CNTN4: variants seen among roughly 807,000 people sequenced by gnomAD.
The protein encoded by CNTN4 is contactin 4.
CNTN4 carries 77 observed loss-of-function variants against 122.5 expected under a neutral mutation model. The ratio of observed to expected loss-of-function variants is 0.63; its 90% CI spans 0.52 to 0.76. The LOEUF is 0.76. Ranked by LOEUF, CNTN4 falls within the 30% of genes least tolerant of loss-of-function variation. CNTN4 has a pLI of 0.00. For missense variants in CNTN4, 1,256 were observed against 1,259.1 expected (o/e 1.00, Z 0.04); for synonymous variants, 512 against 447.0 (o/e 1.15, Z -1.83).
At chr3:2,312,821 A>G (rs1037782743) in intron 2 of CNTN4, among the ~76,000 whole-genome samples, 8 of 151,904 alleles carry the variant, frequency 5.3e-5, no homozygotes, top group South Asian at 2.1e-4. Flanking sequence ...TTTTACGTGT[A>G]TGTTTCTGTG....
At chr3:2,829,918 G>C (rs542684131) in intron 7 of CNTN4, among the ~76,000 whole-genome samples, 2 of 152,122 alleles carry the variant, frequency 1.3e-5, no homozygotes, top group Non-Finnish European at 2.9e-5. Context: ...TCTAGTAAGA[G>C]AGATGCTTAA....
chr3:2,844,658 G>T (rs2093424383), intron 7 of CNTN4, among the ~76,000 whole-genome samples: 1 of 152,096 alleles, frequency 6.6e-6, no homozygotes, highest in African/African-American at 2.4e-5. Context: ...CTCTCTTAAT[G>T]GAATCAACTA....
At chr3:2,608,505 C>A (rs2149803014) in intron 4 of CNTN4, among the ~76,000 whole-genome samples, 1 of 152,300 alleles carries the variant, frequency 6.6e-6, no homozygotes, top group Non-Finnish European at 1.5e-5. Context: ...GGCTCTTCTT[C>A]CCCTCTCCCC....
At chr3:2,440,196 G>C (rs1465344661) in intron 3 of CNTN4, among the ~76,000 whole-genome samples, 1 of 152,080 alleles carries the variant, frequency 6.6e-6, no homozygotes, top group Non-Finnish European at 1.5e-5. Context: ...CAACGTGCAG[G>C]TTAGTTACAT....
At chr3:2,178,492 T>C (rs1423793929) in intron 2 of CNTN4, among the ~76,000 whole-genome samples, 1 of 152,080 alleles carries the variant, frequency 6.6e-6, no homozygotes, top group Non-Finnish European at 1.5e-5. Flanking sequence ...AATTCTCAGA[T>C]ATTAATGTTT....
At chr3:2,995,738 G>A (rs531670952) in intron 14 of CNTN4, among the ~76,000 whole-genome samples, 1 of 152,152 alleles carries the variant, frequency 6.6e-6, no homozygotes, top group African/African-American at 2.4e-5. Context: ...ACATCTAACA[G>A]TACCTTTTGT....
At chr3:2,901,551 C>T in intron 11 of CNTN4, among the ~76,000 whole-genome samples, 1 of 152,142 alleles carries the variant, frequency 6.6e-6, no homozygotes, top group East Asian at 1.9e-4. Flanking sequence ...TTATAAAAGC[C>T]AAACTCAGAC....
intron 2 of CNTN4, among the ~76,000 whole-genome samples, chr3:2,162,550 C>T (rs1417947037): frequency 6.6e-6 from 1 of 152,154 alleles, no homozygotes; most frequent in Non-Finnish European, 1.5e-5. Flanking sequence ...TGAGGAGTCT[C>T]CAGAGCTATC....
At chr3:2,673,698 G>A (rs146011473) in intron 4 of CNTN4, among the ~76,000 whole-genome samples, 2,638 of 152,068 alleles carry the variant, frequency 0.017, 71 homozygotes, top group African/African-American at 0.06. Flanking sequence ...CCACCACCAC[G>A]CCCGGCTAAT....
intron 2 of CNTN4, among the ~76,000 whole-genome samples, chr3:2,244,946 A>G (rs2040084319): frequency 6.6e-6 from 1 of 152,118 alleles, no homozygotes; most frequent in African/African-American, 2.4e-5. Context: ...ATGATATTTA[A>G]TGTTCAATAA....
rs76344168 is a variant in CNTN4 at position 2,572,424 on chromosome 3, A to C, written c.55+866A>C. On this transcript the variant is annotated intron_variant, in intron 4 of 24. Coordinates refer to ENST00000418658, the MANE Select transcript of CNTN4 (RefSeq NM_175607.3). The stretch of plus-strand genomic sequence containing the variant: ...AAGAAAAGAAAAGAAAACTTCACAC[A>C]TACTCTCTATTGCTTTCTCCATTTT... Among the ~76,000 whole-genome samples the C allele has an allele frequency of 3.2e-4, 48 of 152,222 alleles. No individual in the cohort carries two copies. The East Asian group carries it at 5.8e-3, about 18-fold the overall frequency.
chr3:2,805,883 A>G (rs1228671106), intron 6 of CNTN4, among the ~76,000 whole-genome samples: 1 of 151,888 alleles, frequency 6.6e-6, no homozygotes, highest in East Asian at 1.9e-4. Flanking sequence ...CTCTCATAAC[A>G]CTTTTTGTTT....
chr3:2,882,478 T>G (rs1407478845), intron 8 of CNTN4, among the ~76,000 whole-genome samples: 2 of 152,218 alleles, frequency 1.3e-5, no homozygotes, highest in Non-Finnish European at 2.9e-5. Flanking sequence ...AGAGTCATTT[T>G]CCGGGATATA....
At chr3:2,866,490 T>G in intron 7 of CNTN4, 5 of 1,306,984 alleles carry the variant, frequency 3.8e-6, no homozygotes, top group Non-Finnish European at 4.9e-6. Context: ...GCTTAGCCCT[T>G]GACTTAAAGA....
At chr3:2,671,524 C>T (rs892044208) in intron 4 of CNTN4, among the ~76,000 whole-genome samples, 1 of 152,104 alleles carries the variant, frequency 6.6e-6, no homozygotes, top group African/African-American at 2.4e-5. Context: ...ACTTCTTTGC[C>T]ATGGTTTCAA....
chr3:2,782,747 C>T (rs115292569), intron 6 of CNTN4, among the ~76,000 whole-genome samples: 3,562 of 152,170 alleles, frequency 0.023, 145 homozygotes, highest in African/African-American at 0.082. Context: ...TAAGCTACTG[C>T]TTTTATTTCT....
intron 2 of CNTN4, among the ~76,000 whole-genome samples, chr3:2,328,098 A>G (rs1324085039): frequency 1.3e-5 from 2 of 152,136 alleles, no homozygotes; most frequent in African/African-American, 4.8e-5. Flanking sequence ...TCTTCCAATC[A>G]TACTTCTGCA....
intron 8 of CNTN4, chr3:2,882,907 T>G: frequency 2.2e-6 from 1 of 448,210 alleles, no homozygotes; most frequent in East Asian, 4.5e-5. Context: ...CAAAGTTGTA[T>G]GCATGGAGAA....
rs141070281 is a variant in CNTN4 at position 2,900,216 on chromosome 3, A to G, written c.941-469A>G. Reference sequence around the variant, plus strand: ...AGGTTACGGAAAATATCTTTAAGTGAATAACCCAGAAGTTGCTCTCACCAC... The same window carrying G: ...AGGTTACGGAAAATATCTTTAAGTGGATAACCCAGAAGTTGCTCTCACCAC... On this transcript the variant is annotated intron_variant, in intron 10 of 24. Transcript: ENST00000418658. Among the ~76,000 whole-genome samples, 178 of 152,310 alleles carry G rather than the reference A, an allele frequency of 1.2e-3. 1 individual carries two copies. The Middle Eastern group carries it at 0.014, about 12-fold the overall frequency.
Sources: gnomAD v4.1 joint callset for allele counts (sites outside exome capture counted in the v4.1 genomes callset) on GRCh38, gnomAD v4.1.1 for gene constraint, MANE v1.5 for transcripts, NCBI Gene and HGNC (gene_info 2026-07-23, HGNC 2026-07-21) for gene names.